Variants in TMEM182 observed in about 807,000 individuals in gnomAD.
TMEM182 encodes the protein transmembrane protein 182.
A neutral mutation model predicts 26.8 loss-of-function variants in TMEM182; 20 were observed. The observed-to-expected ratio is 0.75, with a 90% CI of 0.53 to 1.09. The LOEUF (loss-of-function observed/expected upper bound fraction) is 1.09, where lower values mean the gene tolerates loss of function less well. Ranked by LOEUF, TMEM182 falls within the 50% of genes least tolerant of loss-of-function variation. TMEM182 has a pLI of 0.00. For missense variants in TMEM182, 277 were observed against 275.5 expected, an observed-to-expected ratio of 1.01 and a Z score of -0.04; for synonymous variants, 109 against 102.2, an observed-to-expected ratio of 1.07 and a Z score of -0.40.
In TMEM182 at chr2:102,815,182, A is replaced by G; in HGVS notation, c.*214A>G. The G allele has an allele frequency of 1.5e-6, 2 of 1,374,220 alleles. No homozygotes were observed. The highest frequency in any genetic ancestry group is 1.9e-6 in the Non-Finnish European group (2 of 1,067,104). The allele number at this position is 1,374,220 out of a possible 1,614,324, so 85.1% of individuals were successfully genotyped here. ...CTATCTTGTCTAAGTGCTGTCAAGG[A>G]CCTAGTTCTTTAGGGAATAGGTAAA... On this transcript the variant is annotated 3_prime_UTR_variant, in exon 5 of 5. Transcript: ENST00000412401.
intron 3 of TMEM182, among the ~76,000 whole-genome samples, chr2:102,836,285 T>C (rs929752438): frequency 1.3e-5 from 2 of 152,190 alleles, no homozygotes; most frequent in African/African-American, 4.8e-5. Context: ...GATAAGAATA[T>C]GTTTAGGTTT....
chr2:102,757,845 G>A (rs1176331109), upstream of TMEM182, among the ~76,000 whole-genome samples: 1 of 152,186 alleles, frequency 6.6e-6, no homozygotes, highest in East Asian at 1.9e-4. Flanking sequence ...CTTGGCGGAA[G>A]GCAAAGAGGA....
intron 3 of TMEM182, among the ~76,000 whole-genome samples, chr2:102,767,334 C>T (rs1440784094): frequency 2.0e-5 from 3 of 152,086 alleles, no homozygotes; most frequent in African/African-American, 7.2e-5. Flanking sequence ...TGGTCTAATT[C>T]ACAGAATTGC....
At chr2:102,791,494 TACA>T (rs1214856066) in intron 3 of TMEM182, among the ~76,000 whole-genome samples, 14 of 152,228 alleles carry the variant, frequency 9.2e-5, no homozygotes, top group Non-Finnish European at 2.1e-4. Flanking sequence ...GAACTATTTA[TACA>T]ACATCTGTTG....
intron 3 of TMEM182, among the ~76,000 whole-genome samples, chr2:102,784,331 G>C (rs939944986): frequency 4.6e-5 from 7 of 151,024 alleles, no homozygotes; most frequent in African/African-American, 1.5e-4. Context: ...CTGTAAGAAA[G>C]AAAAGAAAGT....
Position 102,762,368 on chromosome 2 carries a change from A to G in TMEM182, c.132+19A>G, listed in dbSNP as rs1403567449. 8.1e-6 allele frequency: 13 copies of G among 1,613,580 alleles called. No homozygotes were observed. The highest frequency in any genetic ancestry group is 2.7e-5 in the African/African-American group (2 of 74,868). ...AAAGAATGTGAGTCTCTTCTTCAAA[A>G]TAGTGATGCACATGGTAGTTATGAA... On this transcript the variant is annotated intron_variant, in intron 1 of 4. Coordinates refer to ENST00000412401, the MANE Select transcript of TMEM182 (RefSeq NM_144632.5).
At chr2:102,743,827 C>T (rs962395786) in intron 1 of TMEM182, among the ~76,000 whole-genome samples, 4 of 152,062 alleles carry the variant, frequency 2.6e-5, no homozygotes, top group African/African-American at 9.7e-5. Flanking sequence ...TAAGTTCAGA[C>T]AAGACGTATT....
chr2:102,818,758 C>CTATCTATCTATCTATG (rs1553444827), downstream of TMEM182, among the ~76,000 whole-genome samples: 111 of 151,852 alleles, frequency 7.3e-4, no homozygotes, highest in African/African-American at 1.8e-3. Context: ...ATCTATCTAT[C>CTATCTATCTATCTATG]TATCTATCTA....
chr2:102,737,337 T>G (rs1483827940), intron 1 of TMEM182, among the ~76,000 whole-genome samples: 1 of 152,212 alleles, frequency 6.6e-6, no homozygotes, highest in African/African-American at 2.4e-5. Context: ...TCTGGTGCAG[T>G]GCAATGTGAA....
At chr2:102,794,601 A>C (rs566749437) in intron 3 of TMEM182, among the ~76,000 whole-genome samples, 1 of 152,318 alleles carries the variant, frequency 6.6e-6, no homozygotes, top group African/African-American at 2.4e-5. Context: ...TTCTTTCAGC[A>C]GCTTAAAAAT....
chr2:102,839,449 A>ATATATATAT (rs1683306789), intron 3 of TMEM182, among the ~76,000 whole-genome samples: 1 of 137,644 alleles, frequency 7.3e-6, no homozygotes, highest in East Asian at 2.0e-4. Flanking sequence ...ATGTTTTGCT[A>ATATATATAT]TATATATATA....
intron 1 of TMEM182, among the ~76,000 whole-genome samples, chr2:102,738,301 A>C (rs1679424512): frequency 6.6e-6 from 1 of 152,164 alleles, no homozygotes; most frequent in Non-Finnish European, 1.5e-5. Flanking sequence ...CGCCAAAAGA[A>C]TTGGAAGTCA....
At chr2:102,786,002 T>A (rs954095888) in intron 3 of TMEM182, among the ~76,000 whole-genome samples, 2 of 151,806 alleles carry the variant, frequency 1.3e-5, no homozygotes, top group African/African-American at 4.8e-5. Context: ...CTATCATGGC[T>A]TAGTCTAAAA....
intron 3 of TMEM182, among the ~76,000 whole-genome samples, chr2:102,791,052 C>T (rs1681612705): frequency 6.6e-6 from 1 of 152,162 alleles, no homozygotes; most frequent in Non-Finnish European, 1.5e-5. Flanking sequence ...TCTCCTGCCT[C>T]AGCCTCCCGA....
At chr2:102,780,327 C>T (rs1324386656) in intron 3 of TMEM182, among the ~76,000 whole-genome samples, 1 of 152,076 alleles carries the variant, frequency 6.6e-6, no homozygotes, top group East Asian at 1.9e-4. Flanking sequence ...TTCCAGGCAC[C>T]CCCTAAGCCT....
downstream of TMEM182, among the ~76,000 whole-genome samples, chr2:102,819,562 A>G (rs1475432924): frequency 2.0e-5 from 3 of 152,140 alleles, no homozygotes; most frequent in African/African-American, 7.2e-5. Context: ...TTTGGATAAA[A>G]CTATATACAT....
At chr2:102,753,219 T>G (rs1175494841) in intron 1 of TMEM182, among the ~76,000 whole-genome samples, 1 of 151,060 alleles carries the variant, frequency 6.6e-6, no homozygotes, top group Non-Finnish European at 1.5e-5. Context: ...CTTCAAGAGT[T>G]ACTATACTTA....
chr2:102,738,376 C>G (rs533332016), intron 1 of TMEM182, among the ~76,000 whole-genome samples: 61 of 152,276 alleles, frequency 4.0e-4, no homozygotes, highest in African/African-American at 1.3e-3. Flanking sequence ...GGGCAGATCA[C>G]AAGGTCAAGA....
intron 4 of TMEM182, among the ~76,000 whole-genome samples, chr2:102,810,633 A>G (rs775272063): frequency 2.6e-5 from 4 of 152,154 alleles, no homozygotes; most frequent in Non-Finnish European, 5.9e-5. Flanking sequence ...GTGTGACTCA[A>G]TTATCTTTCT....
Sources: gnomAD v4.1 joint callset for allele counts (sites outside exome capture counted in the v4.1 genomes callset) on GRCh38, gnomAD v4.1.1 for gene constraint, MANE v1.5 for transcripts, NCBI Gene and HGNC (gene_info 2026-07-23, HGNC 2026-07-21) for gene names.